Variants in ZC2HC1B observed in about 807,000 individuals in gnomAD.
ZC2HC1B encodes zinc finger C2HC-type containing 1B, also known as zinc finger C2HC domain-containing protein 1B.
A neutral mutation model predicts 31.0 loss-of-function variants in ZC2HC1B; 36 were observed. The observed-to-expected ratio is 1.16, with a 90% CI of 0.89 to 1.54. The LOEUF (loss-of-function observed/expected upper bound fraction) is 1.54, where lower values mean the gene tolerates loss of function less well. Among genes scored for constraint, ZC2HC1B ranks in the 40% most tolerant of loss-of-function variants. ZC2HC1B has a pLI of 0.00. For missense variants in ZC2HC1B, 260 were observed against 268.6 expected, an observed-to-expected ratio of 0.97 and a Z score of 0.22; for synonymous variants, 73 against 88.0, an observed-to-expected ratio of 0.83 and a Z score of 0.95.
In ZC2HC1B at chr6:143,899,830, G is replaced by A. The variant is rs1395276941; in HGVS notation, c.489+1139G>A. Reference sequence around the variant, plus strand: ...CTATCAACTATGTACCAGAAACTGCGCTAGGTACTGGTTTGATCAAGAATT... The same window carrying A: ...CTATCAACTATGTACCAGAAACTGCACTAGGTACTGGTTTGATCAAGAATT... On this transcript the variant is annotated intron_variant, in intron 5 of 7. Transcript: ENST00000237275. This position sits in a 1 kb window ranked among gnomAD's most constrained non-coding sequence, Gnocchi z 5.0. 3.3e-5 allele frequency among the ~76,000 whole-genome samples: 5 copies of A among 152,206 alleles called. No individual in the cohort carries two copies. Among genetic ancestry groups the A allele is most frequent in the East Asian group, 1.9e-4 (1 of 5,198 alleles).
rs1777322210 is a variant in ZC2HC1B at position 143,870,426 on chromosome 6, A to G, written c.28+5859A>G. Among the ~76,000 whole-genome samples, 1 of 152,090 alleles carries G rather than the reference A, an allele frequency of 6.6e-6. No homozygotes were observed. Reference sequence around the variant, plus strand: ...TGAGGCCATTGGTGCAGGCTAGGGGAGAGAAGGCAAGGTGGCAGGAGTCTC... The same window carrying G: ...TGAGGCCATTGGTGCAGGCTAGGGGGGAGAAGGCAAGGTGGCAGGAGTCTC... On this transcript the variant is annotated intron_variant, in intron 1 of 7. Coordinates refer to ENST00000237275, the MANE Select transcript of ZC2HC1B (RefSeq NM_001013623.3). The surrounding 1 kb of genome is among the most constrained non-coding windows in gnomAD (Gnocchi z 4.7).
chr6:143,927,335 G>A (rs1007582712), intron 6 of ZC2HC1B, among the ~76,000 whole-genome samples: 21 of 152,074 alleles, frequency 1.4e-4, no homozygotes, highest in Admixed American at 1.0e-3. Context: ...TCTAATACCT[G>A]TTATTCCAAT....
intron 6 of ZC2HC1B, 28 bp from the exon 7 acceptor site, chr6:143,937,621 A>C (rs781710186): frequency 6.5e-7 from 1 of 1,529,848 alleles, no homozygotes; most frequent in Non-Finnish European, 8.8e-7. Context: ...GCTTTGACAT[A>C]ATAACAAATC....
At chr6:143,919,395 T>TA (rs1562346904) in intron 6 of ZC2HC1B, among the ~76,000 whole-genome samples, 3 of 151,780 alleles carry the variant, frequency 2.0e-5, no homozygotes, top group Middle Eastern at 3.4e-3. Context: ...TGTAGTTTTT[T>TA]AAAAAAACAT....
At chr6:143,891,130 CAAAA>C (rs537109022) in intron 4 of ZC2HC1B, among the ~76,000 whole-genome samples, 2 of 77,812 alleles carry the variant, frequency 2.6e-5, no homozygotes, top group Non-Finnish European at 3.0e-5. Context: ...GACTCCATCT[CAAAA>C]AAAAAAAAAA....
In ZC2HC1B at chr6:143,883,259, G is replaced by A. The variant is rs1157066129; in HGVS notation, c.29-1045G>A. On this transcript the variant is annotated intron_variant, in intron 1 of 7. Coordinates refer to ENST00000237275, the MANE Select transcript of ZC2HC1B (RefSeq NM_001013623.3). The surrounding 1 kb of genome is among the most constrained non-coding windows in gnomAD (Gnocchi z 4.1). ...TCCCTATGTTGCCCAAGCTGGTCTC[G>A]AATCCTTAGGCTCAAGCAATCCTCC... 2.0e-5 allele frequency among the ~76,000 whole-genome samples: 3 copies of A among 152,016 alleles called. No homozygotes were observed. Among genetic ancestry groups the A allele is most frequent in the East Asian group, 1.9e-4 (1 of 5,192 alleles).
rs1562341999 is a variant in ZC2HC1B at position 143,898,574 on chromosome 6, T to C, written c.372T>C (p.Cys124=). ...LNPDYIQRPY[C]MRRFNESAAE... The stretch of plus-strand genomic sequence containing the variant: ...CAGATTATATTCAACGTCCATATTG[T>C]ATGAGAAGGTTTAATGAAAGCGCAG... Residue 124 remains cysteine (C), a synonymous_variant, in exon 5 of 8, where the codon TGT becomes TGC. Transcript: ENST00000237275. 1 of 1,551,736 alleles carries C rather than the reference T, an allele frequency of 6.4e-7. No homozygotes were observed. Among genetic ancestry groups the C allele is most frequent in the Non-Finnish European group, 8.7e-7 (1 of 1,146,976 alleles).
Position 143,865,485 on chromosome 6 carries a change from C to T in ZC2HC1B, c.28+918C>T, listed in dbSNP as rs1372566224. On this transcript the variant is annotated intron_variant, in intron 1 of 7. Coordinates refer to ENST00000237275, the MANE Select transcript of ZC2HC1B (RefSeq NM_001013623.3). The surrounding 1 kb of genome is among the most constrained non-coding windows in gnomAD (Gnocchi z 4.4). The stretch of plus-strand genomic sequence containing the variant: ...TGAGCTTGTATTTAAAAATCCTGCA[C>T]GCATCCCTCCCCTGCATCCTTGACC... 3.9e-5 allele frequency among the ~76,000 whole-genome samples: 6 copies of T among 152,290 alleles called. No individual in the cohort carries two copies. Among genetic ancestry groups the T allele is most frequent in the East Asian group, 3.9e-4 (2 of 5,192 alleles).
intron 6 of ZC2HC1B, among the ~76,000 whole-genome samples, chr6:143,935,889 A>G (rs1445708574): frequency 1.3e-5 from 2 of 151,972 alleles, no homozygotes; most frequent in African/African-American, 4.8e-5. Context: ...GGCTCAAGCA[A>G]TCCTCCTGCC....
intron 4 of ZC2HC1B, among the ~76,000 whole-genome samples, chr6:143,889,550 A>G (rs1043688618): frequency 1.3e-5 from 2 of 152,132 alleles, no homozygotes; most frequent in Non-Finnish European, 2.9e-5. Flanking sequence ...ATATAGCACA[A>G]AGTTAACTGC....
Position 143,883,831 on chromosome 6 carries a change from A to G in ZC2HC1B, c.29-473A>G, listed in dbSNP as rs183249560. Among the ~76,000 whole-genome samples, 1 of 152,184 alleles carries G rather than the reference A, an allele frequency of 6.6e-6. No individual in the cohort carries two copies. Among genetic ancestry groups the G allele is most frequent in the African/African-American group, 2.4e-5 (1 of 41,446 alleles). ...TAGAAATTCAATTCTTGCTTGGCCC[A>G]TGCATTCAACCAATACCTTGAGTAC... On this transcript the variant is annotated intron_variant, in intron 1 of 7. Transcript: ENST00000237275. This position sits in a 1 kb window ranked among gnomAD's most constrained non-coding sequence, Gnocchi z 4.1.
intron 5 of ZC2HC1B, among the ~76,000 whole-genome samples, chr6:143,900,997 C>G (rs576765786): frequency 4.6e-4 from 70 of 151,906 alleles, no homozygotes; most frequent in African/African-American, 1.6e-3. Context: ...CACCACCATG[C>G]CTGACTAATT....
At position 143,886,105 on chromosome 6, in the gene ZC2HC1B, T is replaced by G. The variant is rs1777528242; in HGVS notation, c.164T>G (p.Leu55Ter). ...RKPFSSLKQR[L>*]QGTDIPTVKK... ...CCTTTCAGTTCTTTGAAGCAAAGAT[T>G]ACAGGGCACTGACATTCCTACTGTG... is the stretch of plus-strand genomic sequence containing the variant. The change falls in exon 3 of 8, where the codon TTA (leucine) becomes TGA (stop). Residue 55 changes from leucine (L) to a stop codon, truncating the protein, a stop_gained. Coordinates refer to ENST00000237275, the MANE Select transcript of ZC2HC1B (RefSeq NM_001013623.3). LOFTEE classifies it high-confidence loss of function. The surrounding 1 kb of genome is among the most constrained non-coding windows in gnomAD (Gnocchi z 4.2). 6.5e-7 allele frequency: 1 copy of G among 1,549,662 alleles called. No individual in the cohort carries two copies.
intron 6 of ZC2HC1B, among the ~76,000 whole-genome samples, chr6:143,925,971 C>G (rs1268430962): frequency 6.6e-6 from 1 of 152,110 alleles, no homozygotes; most frequent in African/African-American, 2.4e-5. Context: ...TAATGTCTCC[C>G]TTTTTGTTTG....
chr6:143,905,866 C>T lies in ZC2HC1B; in HGVS notation c.598+2714C>T, dbSNP rs1024647535. On this transcript the variant is annotated intron_variant, in intron 6 of 7. Transcript: ENST00000237275. The surrounding 1 kb of genome is among the most constrained non-coding windows in gnomAD (Gnocchi z 4.2). Reference sequence around the variant, plus strand: ...AATGTAGTGTACATTGATCGATTTTCATGTGTTGAACCATCCCTGTATCCC... The same window carrying T: ...AATGTAGTGTACATTGATCGATTTTTATGTGTTGAACCATCCCTGTATCCC... Among the ~76,000 whole-genome samples, 1 of 152,086 alleles carries T rather than the reference C, an allele frequency of 6.6e-6. No homozygotes were observed. The highest frequency in any genetic ancestry group is 1.5e-5 in the Non-Finnish European group (1 of 68,016).
chr6:143,910,007 A>G (rs903821503), intron 6 of ZC2HC1B, among the ~76,000 whole-genome samples: 5 of 152,086 alleles, frequency 3.3e-5, no homozygotes, highest in African/African-American at 1.2e-4. Context: ...TAAGTTGTCA[A>G]TTTGAGCTCT....
intron 6 of ZC2HC1B, among the ~76,000 whole-genome samples, chr6:143,909,333 G>T (rs944270971): frequency 6.6e-6 from 1 of 152,046 alleles, no homozygotes; most frequent in African/African-American, 2.4e-5. Context: ...GGAGGCAGAG[G>T]TTGCAGTGAG....
At chr6:143,932,485 T>C (rs1374901280) in intron 6 of ZC2HC1B, among the ~76,000 whole-genome samples, 1 of 152,238 alleles carries the variant, frequency 6.6e-6, no homozygotes, top group Non-Finnish European at 1.5e-5. Flanking sequence ...TCTCTAAGTG[T>C]GTCTTTCATT....
chr6:143,885,423 G>A lies in ZC2HC1B; in HGVS notation c.91-609G>A. Among the ~76,000 whole-genome samples, 1 of 152,262 alleles carries A rather than the reference G, an allele frequency of 6.6e-6. No individual in the cohort carries two copies. The highest frequency in any genetic ancestry group is 2.4e-5 in the African/African-American group (1 of 41,548). On this transcript the variant is annotated intron_variant, in intron 2 of 7. Transcript: ENST00000237275. This position sits in a 1 kb window ranked among gnomAD's most constrained non-coding sequence, Gnocchi z 4.2. Reference sequence around the variant, plus strand: ...TCAGGTACATCTTGGATACTTTTGAGTTTCATTTCCTAAGCCTATTTCTAG... The same window carrying A: ...TCAGGTACATCTTGGATACTTTTGAATTTCATTTCCTAAGCCTATTTCTAG...
Sources: allele counts gnomAD v4.1 joint callset (sites outside exome capture counted in the v4.1 genomes callset), GRCh38; gene constraint gnomAD v4.1.1; non-coding constraint Gnocchi (gnomAD v3.1); transcripts MANE v1.5; gene names NCBI Gene and HGNC (gene_info 2026-07-23, HGNC 2026-07-21).